MYADML2: variants seen among roughly 807,000 people sequenced by gnomAD.
The protein encoded by MYADML2 is myeloid-associated differentiation marker-like protein 2.
MYADML2 carries 17 observed loss-of-function variants against 16.0 expected under a neutral mutation model. That is an observed-to-expected ratio of 1.06 (90% confidence interval 0.73 to 1.60). The LOEUF (loss-of-function observed/expected upper bound fraction) is 1.60, where lower values mean the gene tolerates loss of function less well. Among genes scored for constraint, MYADML2 ranks in the 40% most tolerant of loss-of-function variants. The pLI is 0.00. For missense variants in MYADML2, 422 were observed against 437.7 expected (o/e 0.96, Z 0.32); for synonymous variants, 210 against 208.1 (o/e 1.01, Z -0.08).
In MYADML2 at chr17:81,941,503, A is replaced by C; in HGVS notation, c.239T>G (p.Leu80Arg). Reference sequence around the variant, plus strand: ...GGTGAAGTTGCCCCAGGAGAGCCGCAGGCAGCCGTGGAGCCGTGTGAACTC... The same window carrying C: ...GGTGAAGTTGCCCCAGGAGAGCCGCCGGCAGCCGTGGAGCCGTGTGAACTC... ...ACEFTRLHGC[L>R]RLSWGNFTAA... Residue 80 changes from leucine (L) to arginine (R), a missense_variant, in exon 3 of 3, where the codon CTG (leucine) becomes CGG (arginine). Physicochemically the swap from Leu to Arg is moderately radical, Grantham distance 102. Transcript: ENST00000409745. The C allele has an allele frequency of 1.9e-6, 3 of 1,548,286 alleles. No homozygotes were observed. Among genetic ancestry groups the C allele is most frequent in the Non-Finnish European group, 2.6e-6 (3 of 1,146,238 alleles).
chr17:81,940,797 T>C lies in MYADML2; in HGVS notation c.*21A>G. ...GGAGCTGGTGGCCAGAGAGCAGAGG[T>C]GGGTGGGCTGCCACTGTGGGCTACA... is the stretch of plus-strand genomic sequence containing the variant. On this transcript the variant is annotated 3_prime_UTR_variant, in exon 3 of 3. Coordinates refer to ENST00000409745, the MANE Select transcript of MYADML2 (RefSeq NM_001145113.3). 3 of 1,482,938 alleles carry C rather than the reference T, an allele frequency of 2.0e-6. No homozygotes were observed. The highest frequency in any genetic ancestry group is 1.8e-4 in the Middle Eastern group (1 of 5,620). The allele number at this position is 1,482,938 out of a possible 1,614,324, so 91.9% of individuals were successfully genotyped here. A position where few individuals can be genotyped will look rare whatever the true frequency, so the allele number is the denominator to read the frequency against.
Position 81,940,025 on chromosome 17 carries a change from A to G in MYADML2, c.*793T>C, listed in dbSNP as rs1318256375. On this transcript the variant is annotated 3_prime_UTR_variant, in exon 3 of 3. Transcript: ENST00000409745. ...AGTGTCCAGGTGGGGCTCCGTGGCT[A>G]TGGCGGAACCAGGTCCTCCCCGTCC... is the stretch of plus-strand genomic sequence containing the variant. The G allele has an allele frequency of 6.6e-6, 1 of 152,200 alleles. No homozygotes were observed. The highest frequency in any genetic ancestry group is 2.4e-5 in the African/African-American group (1 of 41,408). The allele number at this position is 152,200 out of a possible 1,614,324, so 9.4% of individuals were successfully genotyped here. A position where few individuals can be genotyped will look rare whatever the true frequency, so the allele number is the denominator to read the frequency against.
rs989283185 is a variant in MYADML2 at position 81,947,152 on chromosome 17, T to C, written c.-274A>G. 2.6e-5 allele frequency: 4 copies of C among 152,192 alleles called. No homozygotes were observed. The highest frequency in any genetic ancestry group is 2.6e-4 in the Admixed American group (4 of 15,272). 9.4% of individuals were successfully genotyped at this position (152,192 alleles called of 1,614,324 possible). A position where few individuals can be genotyped will look rare whatever the true frequency, so the allele number is the denominator to read the frequency against. ...TTTTGTATCAGGGACTCTGGCCTTG[T>C]GGATTCTGGTGTTTTGGAGGTACTG... On this transcript the variant is annotated 5_prime_UTR_variant, in exon 1 of 3. Transcript: ENST00000409745.
At position 81,942,818 on chromosome 17, in the gene MYADML2, T is replaced by TGG. The variant is rs1207647879; in HGVS notation, c.-180-447_-180-446dup. On this transcript the variant is annotated intron_variant, in intron 1 of 2. Transcript: ENST00000409745. This position sits in a 1 kb window ranked among gnomAD's most constrained non-coding sequence, Gnocchi z 4.4. Reference sequence around the variant, plus strand: ...CGCCTGCCTCGGCCTCCCAAAGTGCTGGGATTATAGGCGTGAGCCACTAGG... The same window carrying TGG: ...CGCCTGCCTCGGCCTCCCAAAGTGCTGGGGGATTATAGGCGTGAGCCACTAGG... Among the ~76,000 whole-genome samples, 2 of 152,114 alleles carry TGG rather than the reference T, an allele frequency of 1.3e-5. No individual in the cohort carries two copies. Among genetic ancestry groups the TGG allele is most frequent in the African/African-American group, 2.4e-5 (1 of 41,420 alleles).
intron 1 of MYADML2, among the ~76,000 whole-genome samples, chr17:81,946,309 C>T (rs1053945448): frequency 6.6e-6 from 1 of 151,620 alleles, no homozygotes; most frequent in African/African-American, 2.4e-5. Flanking sequence ...CAGCCGAGAT[C>T]GTGCCACTGC....
Position 81,941,119 on chromosome 17 carries a change from G to A in MYADML2, c.623C>T (p.Thr208Ile). The A allele has an allele frequency of 6.5e-7, 1 of 1,550,312 alleles. No homozygotes were observed. Among genetic ancestry groups the A allele is most frequent in the Non-Finnish European group, 8.7e-7 (1 of 1,146,976 alleles). ...CACACTCAGGGCCACCACGGCCACTGTGGCCAGGAAGCACAGGCTGTAGAC... is the reference window on the plus strand; with the variant it reads ...CACACTCAGGGCCACCACGGCCACTATGGCCAGGAAGCACAGGCTGTAGAC... ...VAVYSLCFLA[T>I]VAVVALSVMG... The change falls in exon 3 of 3, where the codon ACA (threonine) becomes ATA (isoleucine). Residue 208 changes from threonine to isoleucine, a missense_variant. By Grantham distance (89) the Thr-to-Ile change is moderately conservative (BLOSUM62 -1). Transcript: ENST00000409745.
rs965951800 is a variant in MYADML2, at chr17:81,941,433, C to T, written c.309G>A (p.Ala103=). The part of the protein sequence containing the change: ...MLATLLCATA[A]VLYPLYFARR... ...GGGCAAAGTACAGCGGATACAGGACCGCAGCCGTCGCGCATAGCAGGGTGG... is the reference window on the plus strand; with the variant it reads ...GGGCAAAGTACAGCGGATACAGGACTGCAGCCGTCGCGCATAGCAGGGTGG... Residue 103 remains alanine (A), a synonymous_variant, in exon 3 of 3, where the codon GCG becomes GCA. Transcript: ENST00000409745. 21 of 1,549,370 alleles carry T rather than the reference C, an allele frequency of 1.4e-5. No homozygotes were observed. Among genetic ancestry groups the T allele is most frequent in the South Asian group, 3.6e-5 (3 of 84,038 alleles).
At chr17:81,943,691 C>G (rs996672860) in intron 1 of MYADML2, among the ~76,000 whole-genome samples, 1 of 152,132 alleles carries the variant, frequency 6.6e-6, no homozygotes, top group Non-Finnish European at 1.5e-5. Flanking sequence ...GCGTTAGCCA[C>G]CTCGCCCAGC....
chr17:81,942,153 A>T lies in MYADML2; in HGVS notation c.-103+143T>A. Reference sequence around the variant, plus strand: ...AGGGAGAAGGAGGGGAGCAAAGAGCATGAGGGTCCCCACGGGGTAACCCCA... The same window carrying T: ...AGGGAGAAGGAGGGGAGCAAAGAGCTTGAGGGTCCCCACGGGGTAACCCCA... On this transcript the variant is annotated intron_variant, in intron 2 of 2. Transcript: ENST00000409745. This position sits in a 1 kb window ranked among gnomAD's most constrained non-coding sequence, Gnocchi z 4.4. 6.0e-6 allele frequency: 1 copy of T among 166,388 alleles called. No individual in the cohort carries two copies. The highest frequency in any genetic ancestry group is 1.3e-5 in the Non-Finnish European group (1 of 77,408). 10.3% of individuals were successfully genotyped at this position (166,388 alleles called of 1,614,324 possible).
At position 81,941,811 on chromosome 17, in the gene MYADML2, CAGTCCTCTGCGGT is replaced by C; in HGVS notation, c.-83_-71del. The C allele has an allele frequency of 1.4e-6, 2 of 1,398,354 alleles. No individual in the cohort carries two copies. Among genetic ancestry groups the C allele is most frequent in the Non-Finnish European group, 1.9e-6 (2 of 1,052,988 alleles). 86.6% of individuals were successfully genotyped at this position (1,398,354 alleles called of 1,614,324 possible). ...GGGTCCCTGCTGGGCCAAGGCCCCT[CAGTCCTCTGCGGT>C]AGTGGCAGGTGCCTGCAGCCTGCAG... On this transcript the variant is annotated 5_prime_UTR_variant, in exon 3 of 3. An upstream open reading frame in the 5' UTR loses its in-frame stop. Coordinates refer to ENST00000409745, the MANE Select transcript of MYADML2 (RefSeq NM_001145113.3).
At position 81,941,128 on chromosome 17, in the gene MYADML2, A is replaced by G; in HGVS notation, c.614T>C (p.Phe205Ser). The G allele has an allele frequency of 6.5e-7, 1 of 1,550,268 alleles. No homozygotes were observed. The highest frequency in any genetic ancestry group is 8.7e-7 in the Non-Finnish European group (1 of 1,146,962). The change falls in exon 3 of 3, where the codon TTC (phenylalanine) becomes TCC (serine). Residue 205 changes from phenylalanine (F) to serine (S), a missense_variant. By Grantham distance (155) the Phe-to-Ser change is radical. Coordinates refer to ENST00000409745, the MANE Select transcript of MYADML2 (RefSeq NM_001145113.3). ...QWCVAVYSLC[F>S]LATVAVVALS... is the part of the protein sequence containing the mutation. ...GGCCACCACGGCCACTGTGGCCAGG[A>G]AGCACAGGCTGTAGACGGCCACGCA...
At position 81,940,702 on chromosome 17, in the gene MYADML2, C is replaced by T; in HGVS notation, c.*116G>A. ...CCTCTCCCGTTGTACTTCATCTCCC[C>T]TGAGCCCGCGGCTTCCCTCCTGCTC... is the stretch of plus-strand genomic sequence containing the variant. On this transcript the variant is annotated 3_prime_UTR_variant, in exon 3 of 3. Transcript: ENST00000409745. 8.5e-7 allele frequency: 1 copy of T among 1,171,644 alleles called. No homozygotes were observed. The highest frequency in any genetic ancestry group is 1.2e-6 in the Non-Finnish European group (1 of 850,240). The allele number at this position is 1,171,644 out of a possible 1,614,324, so 72.6% of individuals were successfully genotyped here. A position where few individuals can be genotyped will look rare whatever the true frequency, so the allele number is the denominator to read the frequency against.
At chr17:81,945,448 A>G (rs2041337737) in intron 1 of MYADML2, among the ~76,000 whole-genome samples, 1 of 151,952 alleles carries the variant, frequency 6.6e-6, no homozygotes, top group Non-Finnish European at 1.5e-5. Context: ...CTGAGGCAGG[A>G]GAATGGCGTG....
chr17:81,940,692 T>G lies in MYADML2; in HGVS notation c.*126A>C. 1.9e-6 allele frequency: 2 copies of G among 1,067,736 alleles called. No individual in the cohort carries two copies. Among genetic ancestry groups the G allele is most frequent in the Non-Finnish European group, 2.6e-6 (2 of 758,056 alleles). 66.1% of individuals were successfully genotyped at this position (1,067,736 alleles called of 1,614,324 possible). A position where few individuals can be genotyped will look rare whatever the true frequency, so the allele number is the denominator to read the frequency against. On this transcript the variant is annotated 3_prime_UTR_variant, in exon 3 of 3. Transcript: ENST00000409745. Reference sequence around the variant, plus strand: ...CGGGGAGTGACCTCTCCCGTTGTACTTCATCTCCCCTGAGCCCGCGGCTTC... The same window carrying G: ...CGGGGAGTGACCTCTCCCGTTGTACGTCATCTCCCCTGAGCCCGCGGCTTC...
At position 81,942,034 on chromosome 17, in the gene MYADML2, A is replaced by C; in HGVS notation, c.-102-191T>G. On this transcript the variant is annotated intron_variant, in intron 2 of 2. Coordinates refer to ENST00000409745, the MANE Select transcript of MYADML2 (RefSeq NM_001145113.3). This position sits in a 1 kb window ranked among gnomAD's most constrained non-coding sequence, Gnocchi z 4.4. ...TGTGGAGCCCCTGCCGGGACCATTA[A>C]CCCATTGGCTGCTGGCACCACCCCC... 2.9e-6 allele frequency: 1 copy of C among 339,810 alleles called. No homozygotes were observed. Among genetic ancestry groups the C allele is most frequent in the South Asian group, 1.1e-4 (1 of 9,142 alleles). 21.0% of individuals were successfully genotyped at this position (339,810 alleles called of 1,614,324 possible).
Position 81,941,555 on chromosome 17 carries a change from C to A in MYADML2, c.187G>T (p.Ala63Ser), listed in dbSNP as rs757018837. The stretch of plus-strand genomic sequence containing the variant: ...CAGGCCACCACCAGCGCAGAGACGG[C>A]GAAGCAGAAGCCCCAGGCGGCCATG... ...FCMAAWGFCF[A>S]VSALVVACEF... Residue 63 changes from alanine to serine, a missense_variant, in exon 3 of 3, where the codon GCC becomes TCC. Ala to Ser is a moderately conservative substitution (Grantham distance 99). Coordinates refer to ENST00000409745, the MANE Select transcript of MYADML2 (RefSeq NM_001145113.3). 2 of 1,548,198 alleles carry A rather than the reference C, an allele frequency of 1.3e-6. No individual in the cohort carries two copies. Among genetic ancestry groups the A allele is most frequent in the Admixed American group, 3.9e-5 (2 of 50,998 alleles).
At chr17:81,944,806 G>A (rs1445417279) in intron 1 of MYADML2, among the ~76,000 whole-genome samples, 1 of 152,186 alleles carries the variant, frequency 6.6e-6, no homozygotes, top group Non-Finnish European at 1.5e-5. Flanking sequence ...AATCAGTCAT[G>A]CCTACGTAAT....
In MYADML2 at chr17:81,940,944, G is replaced by A. The variant is rs377112990; in HGVS notation, c.798C>T (p.Asn266=). The change falls in exon 3 of 3, where the codon AAC becomes AAT. Residue 266 remains asparagine (N), a synonymous_variant. Transcript: ENST00000409745. ...CCCAGGGACAGCTGCCCCGAGCACA[G>A]TTGGGGGGCCGTTTGGGCTCACCGT... The part of the protein sequence containing the change: ...PKYGEPKRPP[N]CARGSCPWDS... 1,849 of 1,550,476 alleles carry A rather than the reference G, an allele frequency of 1.2e-3. 2 individuals are homozygous for A. The highest frequency in any genetic ancestry group is 1.6e-3 in the Non-Finnish European group (1,786 of 1,146,904).
At position 81,941,626 on chromosome 17, in the gene MYADML2, A is replaced by C; in HGVS notation, c.116T>G (p.Leu39Arg). 6.5e-7 allele frequency: 1 copy of C among 1,549,284 alleles called. No homozygotes were observed. The highest frequency in any genetic ancestry group is 8.7e-7 in the Non-Finnish European group (1 of 1,146,828). The change falls in exon 3 of 3, where the codon CTG becomes CGG. Residue 39 changes from leucine to arginine, a missense_variant. Leu to Arg is a moderately radical substitution (Grantham distance 102). Transcript: ENST00000409745. ...QLAFGCTTFS[L>R]VAHRGGFAGV... Reference sequence around the variant, plus strand: ...CGCAAAGCCACCCCGGTGGGCCACCAGGCTGAAGGTAGTGCAGCCAAAGGC... The same window carrying C: ...CGCAAAGCCACCCCGGTGGGCCACCCGGCTGAAGGTAGTGCAGCCAAAGGC...
Sources: gnomAD v4.1 joint callset for allele counts (sites outside exome capture counted in the v4.1 genomes callset) on GRCh38, gnomAD v4.1.1 for gene constraint, Gnocchi (gnomAD v3.1) non-coding constraint, MANE v1.5 for transcripts, NCBI Gene and HGNC (gene_info 2026-07-23, HGNC 2026-07-21) for gene names.